The following PACS2 variants were observed in gnomAD, a reference collection of about 807,000 sequenced individuals.
PACS2 encodes the protein PACS1-like protein.
A neutral mutation model predicts 113.0 loss-of-function variants in PACS2; 36 were observed. That is an observed-to-expected ratio of 0.32 (90% CI 0.24 to 0.42). PACS2 has a LOEUF of 0.42. Ranked by LOEUF, PACS2 falls within the 10% of genes least tolerant of loss-of-function variation. The pLI is 1.00. For synonymous variants in PACS2, 589 were observed against 536.1 expected (o/e 1.10, Z -1.36); for missense variants, 1,015 against 1,239.5 (o/e 0.82, Z 2.72).
chr14:105,348,666 G>A lies in PACS2; in HGVS notation c.207+86G>A, dbSNP rs587602919. ...GAGACGAGTCAGGCGGTGCGCTACT[G>A]TGGGGCCTTGTGCCAAAACAGCGGG... is the stretch of plus-strand genomic sequence containing the variant. On this transcript the variant is annotated intron_variant, in intron 2 of 24. Transcript: ENST00000447393. This position sits in a 1 kb window ranked among gnomAD's most constrained non-coding sequence, Gnocchi z 6.4. 1.2e-4 allele frequency: 117 copies of A among 987,904 alleles called. No individual in the cohort carries two copies. The East Asian group carries it at 2.8e-3, about 24-fold the overall frequency. 61.2% of individuals were successfully genotyped at this position (987,904 alleles called of 1,614,324 possible).
At position 105,309,049 on chromosome 14, in the gene PACS2, T is replaced by C. The variant is rs776160693; in HGVS notation, c.-83+8070T>C. Reference sequence around the variant, plus strand: ...GAAATCCATCCTGCACGAAGAGCACTGAGGTTGAGTGTTGGTTGACACGTG... The same window carrying C: ...GAAATCCATCCTGCACGAAGAGCACCGAGGTTGAGTGTTGGTTGACACGTG... On this transcript the variant is annotated intron_variant, in intron 1 of 23. Coordinates refer to the PACS2 transcript ENST00000430725. The surrounding 1 kb of genome is among the most constrained non-coding windows in gnomAD (Gnocchi z 4.0). Among the ~76,000 whole-genome samples the C allele has an allele frequency of 1.3e-5, 2 of 152,022 alleles. No individual in the cohort carries two copies. The highest frequency in any genetic ancestry group is 2.9e-5 in the Non-Finnish European group (2 of 67,982).
chr14:105,358,875 A>G lies in PACS2; in HGVS notation c.423+3698A>G, dbSNP rs1007753114. Reference sequence around the variant, plus strand: ...GCTGGATTCCCTTTAGTTTCTCTCTATGAGTGTCTGCACAGCCACAGGCTG... The same window carrying G: ...GCTGGATTCCCTTTAGTTTCTCTCTGTGAGTGTCTGCACAGCCACAGGCTG... On this transcript the variant is annotated intron_variant, in intron 4 of 24. Coordinates refer to ENST00000447393, the MANE Select transcript of PACS2 (RefSeq NM_001100913.3). The surrounding 1 kb of genome is among the most constrained non-coding windows in gnomAD (Gnocchi z 4.9). 6.6e-6 allele frequency among the ~76,000 whole-genome samples: 1 copy of G among 152,154 alleles called. No individual in the cohort carries two copies. The highest frequency in any genetic ancestry group is 6.5e-5 in the Admixed American group (1 of 15,284).
chr14:105,335,840 C>T (rs965254717), intron 1 of PACS2, among the ~76,000 whole-genome samples: 4 of 152,204 alleles, frequency 2.6e-5, no homozygotes, highest in African/African-American at 4.8e-5. Context: ...GCCGCCCGGG[C>T]GAGCCTTGGG....
At position 105,382,678 on chromosome 14, in the gene PACS2, A is replaced by C. The variant is rs1555412358; in HGVS notation, c.1518+97A>C. The C allele has an allele frequency of 4.2e-6, 4 of 962,448 alleles. No homozygotes were observed. In the South Asian group the frequency reaches 5.5e-5, roughly 13 times the overall value. The allele number at this position is 962,448 out of a possible 1,614,324, so 59.6% of individuals were successfully genotyped here. On this transcript the variant is annotated intron_variant, in intron 14 of 24. Transcript: ENST00000447393. Reference sequence around the variant, plus strand: ...CCTACCCGGCACACCTGGGTGCTGGAGCTGCTGGCTGTGGTTTGCCTGGAC... The same window carrying C: ...CCTACCCGGCACACCTGGGTGCTGGCGCTGCTGGCTGTGGTTTGCCTGGAC...
intron 2 of PACS2, among the ~76,000 whole-genome samples, chr14:105,349,873 AGAGC>A (rs1555403520): frequency 4.1e-5 from 6 of 144,908 alleles, no homozygotes; most frequent in African/African-American, 1.6e-4. Flanking sequence ...AACTTCCAGG[AGAGC>A]GTGGCTAATA....
intron 4 of PACS2, among the ~76,000 whole-genome samples, chr14:105,362,397 A>G (rs1335031967): frequency 4.7e-5 from 7 of 150,414 alleles, no homozygotes; most frequent in Non-Finnish European, 7.4e-5. Flanking sequence ...AGCCTGGGCG[A>G]CAGAGCGAGA....
chr14:105,332,068 C>T lies in PACS2; in HGVS notation c.120-16425C>T, dbSNP rs111281522. Among the ~76,000 whole-genome samples the T allele has an allele frequency of 6.3e-4, 96 of 152,318 alleles. 1 individual carries two copies. The highest frequency in any genetic ancestry group is 2.2e-3 in the African/African-American group (92 of 41,574). ...TTAGCGTTTTTATTTTGATTTGGTG[C>T]GGATTTGTTATCAACATTGCTTTTG... is the stretch of plus-strand genomic sequence containing the variant. On this transcript the variant is annotated intron_variant, in intron 1 of 24. Coordinates refer to ENST00000447393, the MANE Select transcript of PACS2 (RefSeq NM_001100913.3).
Position 105,376,635 on chromosome 14 carries a change from C to A in PACS2, c.802-133C>A. The A allele has an allele frequency of 1.4e-6, 1 of 726,150 alleles. No individual in the cohort carries two copies. Among genetic ancestry groups the A allele is most frequent in the Non-Finnish European group, 2.2e-6 (1 of 445,126 alleles). The allele number at this position is 726,150 out of a possible 1,614,324, so 45.0% of individuals were successfully genotyped here. A position where few individuals can be genotyped will look rare whatever the true frequency, so the allele number is the denominator to read the frequency against. ...TCCAAGACAGAAGCTGGACTACAGCCGTGCTGAGTGGAGGGGTTTGGTGGC... is the reference window on the plus strand; with the variant it reads ...TCCAAGACAGAAGCTGGACTACAGCAGTGCTGAGTGGAGGGGTTTGGTGGC... On this transcript the variant is annotated intron_variant, in intron 8 of 24. Coordinates refer to ENST00000447393, the MANE Select transcript of PACS2 (RefSeq NM_001100913.3). This position sits in a 1 kb window ranked among gnomAD's most constrained non-coding sequence, Gnocchi z 4.7.
Position 105,365,596 on chromosome 14 carries a change from C to T in PACS2, c.424-1617C>T, listed in dbSNP as rs1365450730. 6.6e-6 allele frequency among the ~76,000 whole-genome samples: 1 copy of T among 152,198 alleles called. No homozygotes were observed. The highest frequency in any genetic ancestry group is 1.9e-4 in the East Asian group (1 of 5,196). On this transcript the variant is annotated intron_variant, in intron 4 of 24. Transcript: ENST00000447393. The surrounding 1 kb of genome is among the most constrained non-coding windows in gnomAD (Gnocchi z 5.1). ...TTTCTTAGGAGAAAAAGGGCCCAGA[C>T]CCCTCTGAGCCCCGTGGAGGTTGGT...
Position 105,355,650 on chromosome 14 carries a change from G to C in PACS2, c.423+473G>C, listed in dbSNP as rs587645389. Reference sequence around the variant, plus strand: ...GCTAGCGACAATACCCGAGCAGGGCGGGGGCAGCACCCAGAGGTCAGAGGG... The same window carrying C: ...GCTAGCGACAATACCCGAGCAGGGCCGGGGCAGCACCCAGAGGTCAGAGGG... On this transcript the variant is annotated intron_variant, in intron 4 of 24. Transcript: ENST00000447393. This position sits in a 1 kb window ranked among gnomAD's most constrained non-coding sequence, Gnocchi z 4.1. Among the ~76,000 whole-genome samples, 1 of 152,224 alleles carries C rather than the reference G, an allele frequency of 6.6e-6. No individual in the cohort carries two copies. Among genetic ancestry groups the C allele is most frequent in the Non-Finnish European group, 1.5e-5 (1 of 68,032 alleles).
At chr14:105,320,731 A>G (rs983767133) in intron 1 of PACS2, among the ~76,000 whole-genome samples, 1 of 152,206 alleles carries the variant, frequency 6.6e-6, no homozygotes, top group Non-Finnish European at 1.5e-5. Context: ...TGTAGTCCTT[A>G]GCAGATTTTG....
In PACS2 at chr14:105,380,969, C is replaced by T. The variant is rs201854785; in HGVS notation, c.1138C>T (p.Pro380Ser). 9.6e-5 allele frequency: 155 copies of T among 1,610,986 alleles called. 1 individual carries two copies. Among genetic ancestry groups the T allele is most frequent in the Middle Eastern group, 3.3e-4 (2 of 6,074 alleles). The part of the protein sequence containing the change: ...SDTVALGVPG[P>S]REHPGQPEDS... ...CTCTGCTCAGCAGGGTGTGCCAGGCCCGAGGGAGCACCCTGGACAGCCTGA... is the reference window on the plus strand; with the variant it reads ...CTCTGCTCAGCAGGGTGTGCCAGGCTCGAGGGAGCACCCTGGACAGCCTGA... The change falls in exon 12 of 25, where the codon CCG becomes TCG. Residue 380 changes from proline (P) to serine (S), a missense_variant. Pro to Ser is a moderately conservative substitution (Grantham distance 74). Transcript: ENST00000447393.
rs911145289 is a variant in PACS2, at chr14:105,329,795, G to C, written c.119+14758G>C. ...CTGCCGTGTGGTACTGCTTCTCATG[G>C]ACAGGAGACCACCAGGCTCCTTCCA... On this transcript the variant is annotated intron_variant, in intron 1 of 24. Coordinates refer to ENST00000447393, the MANE Select transcript of PACS2 (RefSeq NM_001100913.3). The surrounding 1 kb of genome is among the most constrained non-coding windows in gnomAD (Gnocchi z 6.4). Among the ~76,000 whole-genome samples the C allele has an allele frequency of 1.3e-5, 2 of 152,228 alleles. No homozygotes were observed. Among genetic ancestry groups the C allele is most frequent in the African/African-American group, 4.8e-5 (2 of 41,442 alleles).
intron 9 of PACS2, among the ~76,000 whole-genome samples, chr14:105,378,601 G>A (rs781868607): frequency 1.3e-5 from 2 of 152,232 alleles, no homozygotes; most frequent in Non-Finnish European, 2.9e-5. Flanking sequence ...TAGAGACAGG[G>A]TCTCCCTATG....
At position 105,396,506 on chromosome 14, in the gene PACS2, T is replaced by TC. The variant is rs1555416848; in HGVS notation, c.*1834_*1835insC. 6.8e-6 allele frequency: 1 copy of TC among 147,488 alleles called. No homozygotes were observed. The highest frequency in any genetic ancestry group is 2.5e-5 in the African/African-American group (1 of 39,808). 9.1% of individuals were successfully genotyped at this position (147,488 alleles called of 1,614,324 possible). ...CTCTCCAGTTTCTTTTCTTTTTTTT[T>TC]TTTTTTTTTTTTGAGATGGAGTCTT... On this transcript the variant is annotated 3_prime_UTR_variant, in exon 25 of 25. Coordinates refer to ENST00000447393, the MANE Select transcript of PACS2 (RefSeq NM_001100913.3).
chr14:105,360,178 CACTGT>C (rs1381748111), intron 4 of PACS2, among the ~76,000 whole-genome samples: 2 of 152,176 alleles, frequency 1.3e-5, no homozygotes, highest in Non-Finnish European at 2.9e-5. Context: ...GTTATGTTTA[CACTGT>C]ACTGTAGTCT....
rs782036206 is a variant in PACS2, at chr14:105,384,445, C to T, written c.1873C>T (p.Leu625=). The T allele has an allele frequency of 8.1e-6, 13 of 1,610,974 alleles. No individual in the cohort carries two copies. Among genetic ancestry groups the T allele is most frequent in the Non-Finnish European group, 1.1e-5 (13 of 1,178,842 alleles). The change falls in exon 17 of 25, where the codon CTG becomes TTG. Residue 625 remains leucine (L), a synonymous_variant. Transcript: ENST00000447393. ...GGCCTGGAGAGACCTGTTCAACAAG[C>T]TGGAGGCCCAGAGTGCGGGTGAGGC... The part of the protein sequence containing the change: ...DLAWRDLFNK[L]EAQSAVQDTP...
intron 1 of PACS2, among the ~76,000 whole-genome samples, chr14:105,347,978 C>T (rs1320335879): frequency 6.6e-6 from 1 of 152,116 alleles, no homozygotes; most frequent in Admixed American, 6.5e-5. Context: ...CTCCTGTGGC[C>T]TCAGGACGGA....
intron 1 of PACS2, among the ~76,000 whole-genome samples, chr14:105,338,858 C>T (rs1396616569): frequency 2.6e-5 from 4 of 152,192 alleles, no homozygotes; most frequent in Non-Finnish European, 4.4e-5. Context: ...GCCATCTCCC[C>T]GCTCTTCTCC....
Sources: allele counts gnomAD v4.1 joint callset (sites outside exome capture counted in the v4.1 genomes callset), GRCh38; gene constraint gnomAD v4.1.1; non-coding constraint Gnocchi (gnomAD v3.1); transcripts MANE v1.5; gene names NCBI Gene and HGNC (gene_info 2026-07-23, HGNC 2026-07-21).